CDH12: variants seen among roughly 807,000 people sequenced by gnomAD.
CDH12 encodes the protein cadherin 12.
Under a neutral mutation model 74.1 loss-of-function variants are expected in CDH12, and 41 were observed. That is an observed-to-expected ratio of 0.55 (90% CI 0.43 to 0.72). The LOEUF (loss-of-function observed/expected upper bound fraction) is 0.72, where lower values mean the gene tolerates loss of function less well. Ranked by LOEUF, CDH12 falls within the 30% of genes least tolerant of loss-of-function variation. The pLI is 0.00. For synonymous variants in CDH12, 399 were observed against 355.0 expected (o/e 1.12, Z -1.39); for missense variants, 945 against 977.2 (o/e 0.97, Z 0.44).
chr5:22,711,961 A>G (rs987149666), intron 1 of CDH12, among the ~76,000 whole-genome samples: 1 of 152,050 alleles, frequency 6.6e-6, no homozygotes, highest in Non-Finnish European at 1.5e-5. Flanking sequence ...ACATTTTCTA[A>G]TATTTACTTT....
intron 4 of CDH12, among the ~76,000 whole-genome samples, chr5:22,136,378 T>C (rs1228254761): frequency 1.3e-5 from 2 of 152,010 alleles, no homozygotes; most frequent in Admixed American, 1.3e-4. Context: ...TAGAAGCTCT[T>C]ATAAATGAGA....
chr5:22,125,445 C>A (rs1561138048), intron 4 of CDH12, among the ~76,000 whole-genome samples: 1 of 152,114 alleles, frequency 6.6e-6, no homozygotes, highest in Non-Finnish European at 1.5e-5. Flanking sequence ...TTAATTCTTT[C>A]TTTTTAATGG....
chr5:22,551,804 G>A (rs759853257), intron 1 of CDH12, among the ~76,000 whole-genome samples: 1 of 152,128 alleles, frequency 6.6e-6, no homozygotes, highest in African/African-American at 2.4e-5. Flanking sequence ...GATAAGGCTA[G>A]CAATCCATTT....
intron 3 of CDH12, among the ~76,000 whole-genome samples, chr5:22,219,721 C>T: frequency 6.6e-6 from 1 of 151,592 alleles, no homozygotes; most frequent in South Asian, 2.1e-4. Flanking sequence ...AGTTCACTGC[C>T]TAGGATTGCA....
chr5:21,950,757 TTTATTATTATTATTATTA>T (rs71609723), intron 6 of CDH12, among the ~76,000 whole-genome samples: 4 of 137,002 alleles, frequency 2.9e-5, no homozygotes, highest in Admixed American at 7.5e-5. Flanking sequence ...TAAATTTTAT[TTTATTATTATTATTATTA>T]TTATTATTAT....
Position 21,872,826 on chromosome 5 carries a change from CTA to C in CDH12, c.527-18038_527-18037del, listed in dbSNP as rs1491192634. ...TCTATCTATCTATCTATCTATCTAT[CTA>C]TCTATCATCTATTATCTATCGATCT... is the stretch of plus-strand genomic sequence containing the variant. On this transcript the variant is annotated intron_variant, in intron 6 of 14. Coordinates refer to ENST00000382254, the MANE Select transcript of CDH12 (RefSeq NM_004061.5). 4.3e-5 allele frequency among the ~76,000 whole-genome samples: 6 copies of C among 141,172 alleles called. No homozygotes were observed. The East Asian group carries it at 1.2e-3, about 29-fold the overall frequency. 92.6% of individuals were successfully genotyped at this position (141,172 alleles called of 152,430 possible).
intron 3 of CDH12, among the ~76,000 whole-genome samples, chr5:22,286,203 G>C (rs1379935465): frequency 6.6e-6 from 1 of 152,002 alleles, no homozygotes; most frequent in African/African-American, 2.4e-5. Context: ...AAACAATGCA[G>C]ACAGAAATTG....
At chr5:21,921,731 C>T (rs867868298) in intron 6 of CDH12, among the ~76,000 whole-genome samples, 2 of 152,148 alleles carry the variant, frequency 1.3e-5, no homozygotes, top group South Asian at 2.1e-4. Flanking sequence ...GCAGTATGAA[C>T]TGAAGTTCTG....
At chr5:21,866,873 G>GA (rs1305957114) in intron 6 of CDH12, among the ~76,000 whole-genome samples, 4 of 151,864 alleles carry the variant, frequency 2.6e-5, no homozygotes, top group Non-Finnish European at 2.9e-5. Context: ...GGTCTAGGAG[G>GA]AAAAAAAATG....
rs140577356 is a variant in CDH12 at position 21,754,680 on chromosome 5, T to G, written c.1885+911A>C. ...TCACTAATTATTTTTTTTTCTTTCC[T>G]AGAGATAAAGTCAGGTGTCCATATT... is the stretch of plus-strand genomic sequence containing the variant. On this transcript the variant is annotated intron_variant, in intron 14 of 14. Transcript: ENST00000382254. Among the ~76,000 whole-genome samples, 28 of 152,254 alleles carry G rather than the reference T, an allele frequency of 1.8e-4. No homozygotes were observed. The East Asian group carries it at 5.4e-3, about 29-fold the overall frequency.
chr5:21,876,477 C>T (rs141083995), intron 6 of CDH12, among the ~76,000 whole-genome samples: 158 of 152,218 alleles, frequency 1.0e-3, no homozygotes, highest in African/African-American at 3.5e-3. Context: ...CTTAACTAGA[C>T]CAGGATAAAT....
At chr5:21,949,372 C>A (rs1227155902) in intron 6 of CDH12, among the ~76,000 whole-genome samples, 1 of 151,030 alleles carries the variant, frequency 6.6e-6, no homozygotes, top group East Asian at 1.9e-4. Context: ...ATGGCGTGAA[C>A]CCAGGAGGCG....
At chr5:21,867,303 T>G (rs973117104) in intron 6 of CDH12, among the ~76,000 whole-genome samples, 3 of 152,222 alleles carry the variant, frequency 2.0e-5, no homozygotes, top group African/African-American at 7.2e-5. Flanking sequence ...TGCAGTGAGC[T>G]GAGGTCACGC....
chr5:21,871,624 T>C (rs1198027024), intron 6 of CDH12, among the ~76,000 whole-genome samples: 1 of 152,012 alleles, frequency 6.6e-6, no homozygotes, highest in Non-Finnish European at 1.5e-5. Flanking sequence ...TCCCACCTAC[T>C]CGGGAGGCAG....
intron 4 of CDH12, among the ~76,000 whole-genome samples, chr5:22,109,452 C>G (rs972581771): frequency 6.6e-6 from 1 of 152,144 alleles, no homozygotes; most frequent in African/African-American, 2.4e-5. Context: ...ATTTCAGGTT[C>G]AGGGAACAAG....
At chr5:22,106,052 A>T (rs953290175) in intron 4 of CDH12, among the ~76,000 whole-genome samples, 1 of 152,002 alleles carries the variant, frequency 6.6e-6, no homozygotes, top group Admixed American at 6.6e-5. Flanking sequence ...TCCATTTTTC[A>T]TGGTCTGATT....
At chr5:22,263,175 G>T (rs557655372) in intron 3 of CDH12, among the ~76,000 whole-genome samples, 1 of 152,166 alleles carries the variant, frequency 6.6e-6, no homozygotes, top group East Asian at 1.9e-4. Flanking sequence ...CAATCAAATA[G>T]AAGTGAATTT....
At chr5:22,619,233 G>T (rs556836510) in intron 1 of CDH12, among the ~76,000 whole-genome samples, 13 of 152,134 alleles carry the variant, frequency 8.5e-5, no homozygotes, top group African/African-American at 3.1e-4. Context: ...GTGAACAAAG[G>T]TCGTGTATTT....
At chr5:22,537,667 T>C (rs1737913285) in intron 1 of CDH12, among the ~76,000 whole-genome samples, 1 of 151,998 alleles carries the variant, frequency 6.6e-6, no homozygotes, top group Non-Finnish European at 1.5e-5. Context: ...ACTTCTCCCC[T>C]CACAGAAACA....
Sources: gnomAD v4.1 joint callset for allele counts (sites outside exome capture counted in the v4.1 genomes callset) on GRCh38, gnomAD v4.1.1 for gene constraint, MANE v1.5 for transcripts, NCBI Gene and HGNC (gene_info 2026-07-23, HGNC 2026-07-21) for gene names.